Variants in PCDHA11 observed in about 807,000 individuals in gnomAD.
The protein encoded by PCDHA11 is protocadherin alpha 11, also known as protocadherin alpha-11.
In PCDHA11, 61 loss-of-function variants were observed where a neutral mutation model predicts 70.3. The ratio of observed to expected loss-of-function variants is 0.87; its 90% CI spans 0.71 to 1.07. The LOEUF is 1.07. Ranked by LOEUF, PCDHA11 falls within the 50% of genes least tolerant of loss-of-function variation. PCDHA11 has a pLI of 0.00. For missense variants in PCDHA11, 1,324 were observed against 1,237.5 expected, an observed-to-expected ratio of 1.07 and a Z score of -1.05; for synonymous variants, 633 against 555.1, an observed-to-expected ratio of 1.14 and a Z score of -1.97.
chr5:140,882,717 C>G (rs1311295002), intron 1 of PCDHA11: 1 of 1,614,102 alleles, frequency 6.2e-7, no homozygotes, highest in South Asian at 1.1e-5. Flanking sequence ...CCTCCGGAAA[C>G]TCGATTTCCA....
At position 140,870,731 on chromosome 5, in the gene PCDHA11, C is replaced by T. The variant is rs782095287; in HGVS notation, c.1628C>T (p.Pro543Leu). Residue 543 changes from proline to leucine, a missense_variant, in exon 1 of 4, where the codon CCT becomes CTT. Coordinates refer to ENST00000398640, the MANE Select transcript of PCDHA11 (RefSeq NM_018902.5). Reference protein sequence around the residue: ...QVSARDAGVPPLSSNVTLQVF... With the variant: ...QVSARDAGVPLLSSNVTLQVF... ...AGCGCGCGCGATGCGGGCGTGCCGC[C>T]TCTGAGCAGCAACGTGACGCTGCAG... is the stretch of plus-strand genomic sequence containing the variant. 3 of 1,613,444 alleles carry T rather than the reference C, an allele frequency of 1.9e-6. No individual in the cohort carries two copies. The highest frequency in any genetic ancestry group is 2.5e-6 in the Non-Finnish European group (3 of 1,179,886).
intron 3 of PCDHA11, among the ~76,000 whole-genome samples, chr5:141,001,177 T>G (rs2097996689): frequency 6.6e-6 from 1 of 152,154 alleles, no homozygotes; most frequent in Non-Finnish European, 1.5e-5. Context: ...TAACGAGTTT[T>G]TACTTTGCAC....
chr5:140,967,023 G>A, intron 1 of PCDHA11: 1 of 1,608,160 alleles, frequency 6.2e-7, no homozygotes, highest in South Asian at 1.1e-5. Context: ...GGTGCGCCCA[G>A]TCCGCGCTAC....
intron 1 of PCDHA11, among the ~76,000 whole-genome samples, chr5:140,896,511 C>T (rs1344026446): frequency 6.6e-6 from 1 of 151,744 alleles, no homozygotes; most frequent in Non-Finnish European, 1.5e-5. Context: ...TGTGCAGGCA[C>T]ACACCACAAA....
In PCDHA11 at chr5:141,010,032, T is replaced by C. The variant is rs529237892; in HGVS notation, c.*95T>C. 6.3e-7 allele frequency: 1 copy of C among 1,582,368 alleles called. No individual in the cohort carries two copies. Among genetic ancestry groups the C allele is most frequent in the African/African-American group, 1.4e-5 (1 of 73,468 alleles). On this transcript the variant is annotated 3_prime_UTR_variant, in exon 4 of 4. Transcript: ENST00000398640. ...TCCCTGCTCCTTTTTCCTATCTACA[T>C]GAGCCCTCTTAGAGACCTCAGAAAT...
chr5:140,871,066 G>A lies in PCDHA11; in HGVS notation c.1963G>A (p.Glu655Lys), dbSNP rs1554165067. The stretch of plus-strand genomic sequence containing the variant: ...TCTAGTACTGGTGAAGGATCACGGT[G>A]AGCCGGCGCTGACGGCCACGGCCAC... Reference protein sequence around the residue: ...RLLVLVKDHGEPALTATATVL... With the variant: ...RLLVLVKDHGKPALTATATVL... Residue 655 changes from glutamate to lysine, a missense_variant, in exon 1 of 4, where the codon GAG becomes AAG. Physicochemically the swap from Glu to Lys is moderately conservative, Grantham distance 56. Transcript: ENST00000398640. The A allele has an allele frequency of 2.5e-6, 4 of 1,613,276 alleles. No homozygotes were observed. Among genetic ancestry groups the A allele is most frequent in the South Asian group, 2.2e-5 (2 of 91,076 alleles).
At chr5:140,962,348 C>T (rs2095675606) in intron 1 of PCDHA11, among the ~76,000 whole-genome samples, 1 of 152,130 alleles carries the variant, frequency 6.6e-6, no homozygotes, top group South Asian at 2.1e-4. Flanking sequence ...AGTAAAACTC[C>T]CCCCAATACT....
At chr5:140,915,589 T>C (rs1398530314) in intron 1 of PCDHA11, among the ~76,000 whole-genome samples, 1 of 151,900 alleles carries the variant, frequency 6.6e-6, no homozygotes, top group African/African-American at 2.4e-5. Context: ...AAAGCACTTG[T>C]TCTTTTCCCT....
chr5:141,001,253 C>G (rs896546841), intron 3 of PCDHA11, among the ~76,000 whole-genome samples: 1 of 152,078 alleles, frequency 6.6e-6, no homozygotes, highest in East Asian at 1.9e-4. Context: ...CCCTATGGGG[C>G]GGGCACTCTT....
chr5:140,878,728 C>T (rs1554170509), intron 1 of PCDHA11, among the ~76,000 whole-genome samples: 1 of 152,170 alleles, frequency 6.6e-6, no homozygotes, highest in Non-Finnish European at 1.5e-5. Flanking sequence ...AATTTCCAGC[C>T]TTATATCTAC....
chr5:140,921,098 A>G (rs1007745080), intron 1 of PCDHA11, among the ~76,000 whole-genome samples: 2 of 151,708 alleles, frequency 1.3e-5, no homozygotes, highest in South Asian at 2.1e-4. Context: ...CTCCTGCCTC[A>G]GTCTCCTAAG....
intron 1 of PCDHA11, among the ~76,000 whole-genome samples, chr5:140,973,570 T>C (rs1211629419): frequency 6.6e-6 from 1 of 152,232 alleles, no homozygotes; most frequent in Non-Finnish European, 1.5e-5. Flanking sequence ...CCTCAATTTT[T>C]CTACAGACTG....
intron 3 of PCDHA11, among the ~76,000 whole-genome samples, chr5:141,004,496 C>T (rs1179748811): frequency 6.6e-6 from 1 of 152,152 alleles, no homozygotes; most frequent in Non-Finnish European, 1.5e-5. Context: ...CTTGGCAGTC[C>T]TGCTGTGAGG....
At chr5:140,958,547 A>C (rs528303266) in intron 1 of PCDHA11, among the ~76,000 whole-genome samples, 3 of 152,308 alleles carry the variant, frequency 2.0e-5, no homozygotes, top group East Asian at 3.9e-4. Flanking sequence ...TTTATGAACC[A>C]ATAAATGTTT....
chr5:141,001,594 A>AT (rs1216872407), intron 3 of PCDHA11, among the ~76,000 whole-genome samples: 1 of 152,040 alleles, frequency 6.6e-6, no homozygotes, highest in Non-Finnish European at 1.5e-5. Flanking sequence ...GATTACTCAG[A>AT]TTAGGTTTGC....
At chr5:140,912,170 T>C (rs961907962) in intron 1 of PCDHA11, among the ~76,000 whole-genome samples, 6 of 152,202 alleles carry the variant, frequency 3.9e-5, no homozygotes, top group African/African-American at 9.7e-5. Flanking sequence ...CTGGCTGTGC[T>C]GGCAGCTGAT....
chr5:140,937,921 A>G (rs1304092674), intron 1 of PCDHA11, among the ~76,000 whole-genome samples: 2 of 152,184 alleles, frequency 1.3e-5, no homozygotes, highest in Non-Finnish European at 2.9e-5. Flanking sequence ...CAAAAAAAAA[A>G]AAAAAAGTTT....
At chr5:140,902,125 A>G (rs530625414) in intron 1 of PCDHA11, among the ~76,000 whole-genome samples, 27 of 150,728 alleles carry the variant, frequency 1.8e-4, no homozygotes, top group African/African-American at 6.1e-4. Context: ...CTGAGATTAT[A>G]TCATCTGCAA....
chr5:140,944,838 A>C (rs996510272), intron 1 of PCDHA11, among the ~76,000 whole-genome samples: 13 of 152,212 alleles, frequency 8.5e-5, no homozygotes, highest in Non-Finnish European at 1.6e-4. Flanking sequence ...TTGTAAAATG[A>C]GATATTAGAA....
Sources: allele counts gnomAD v4.1 joint callset (sites outside exome capture counted in the v4.1 genomes callset), GRCh38; gene constraint gnomAD v4.1.1; transcripts MANE v1.5; gene names NCBI Gene and HGNC (gene_info 2026-07-23, HGNC 2026-07-21).